XPR1: variants seen among roughly 807,000 people sequenced by gnomAD.
The protein encoded by XPR1 is solute carrier family 53 member 1.
A neutral mutation model predicts 87.5 loss-of-function variants in XPR1; 28 were observed. That is an observed-to-expected ratio of 0.32 (90% CI 0.24 to 0.44). The LOEUF (loss-of-function observed/expected upper bound fraction) is 0.44, where lower values mean the gene tolerates loss of function less well. XPR1 is among the 20% of genes least tolerant of loss of function. The pLI, the probability that XPR1 is intolerant of heterozygous loss-of-function variation, is 1.00. For synonymous variants in XPR1, 300 were observed against 306.1 expected (o/e 0.98, Z 0.21); for missense variants, 559 against 862.3 (o/e 0.65, Z 4.41).
At chr1:180,727,966 C>G (rs1390949819) in intron 2 of XPR1, among the ~76,000 whole-genome samples, 1 of 152,120 alleles carries the variant, frequency 6.6e-6, no homozygotes, top group Non-Finnish European at 1.5e-5. Flanking sequence ...TCAGCAAGGT[C>G]TTTATGCCAG....
At chr1:180,824,994 A>G in intron 8 of XPR1, 51 bp downstream of exon 8, 1 of 1,576,500 alleles carries the variant, frequency 6.3e-7, no homozygotes, top group Non-Finnish European at 8.6e-7. Context: ...CATTAGCTAT[A>G]TAGCTATCTG....
At chr1:180,637,688 G>C (rs1654829812) in intron 1 of XPR1, among the ~76,000 whole-genome samples, 1 of 152,082 alleles carries the variant, frequency 6.6e-6, no homozygotes, top group South Asian at 2.1e-4. Flanking sequence ...CAAGTAGCTG[G>C]CATTACAGGC....
At chr1:180,656,579 G>A (rs1195799023) in intron 1 of XPR1, among the ~76,000 whole-genome samples, 693 of 33,640 alleles carry the variant, frequency 0.021, 6 homozygotes, top group Non-Finnish European at 0.027. Context: ...TTTTATATAT[G>A]TATGTATAAT....
chr1:180,815,345 T>C (rs898445061), intron 7 of XPR1, among the ~76,000 whole-genome samples: 1 of 152,192 alleles, frequency 6.6e-6, no homozygotes, highest in Non-Finnish European at 1.5e-5. Context: ...CGCATTATGT[T>C]TTCTCACTTC....
At chr1:180,768,991 T>C (rs1203069245) in intron 2 of XPR1, among the ~76,000 whole-genome samples, 1 of 152,086 alleles carries the variant, frequency 6.6e-6, no homozygotes, top group Non-Finnish European at 1.5e-5. Context: ...ACTTTGGTGC[T>C]CCCAGCAGTG....
At chr1:180,705,222 T>C (rs182040034) in intron 2 of XPR1, among the ~76,000 whole-genome samples, 31 of 152,264 alleles carry the variant, frequency 2.0e-4, no homozygotes, top group Admixed American at 9.2e-4. Context: ...TATTGAAGGT[T>C]GAAAGGTGAA....
intron 7 of XPR1, among the ~76,000 whole-genome samples, chr1:180,819,974 C>T (rs1200398722): frequency 6.6e-6 from 1 of 151,326 alleles, no homozygotes; most frequent in Non-Finnish European, 1.5e-5. Flanking sequence ...GAGCCAGGAT[C>T]ATGCCATTGC....
Position 180,668,509 on chromosome 1 carries a change from TC to T in XPR1, c.70-13849del, listed in dbSNP as rs368620800. Among the ~76,000 whole-genome samples the T allele has an allele frequency of 5.9e-3, 901 of 152,294 alleles. 11 individuals are homozygous for T. The highest frequency in any genetic ancestry group is 0.021 in the African/African-American group (860 of 41,558). The stretch of plus-strand genomic sequence containing the variant: ...TTAAGTTGTCATGTTAGGTTTGAAA[TC>T]CATTTGAAATTTGAATTTGAAATCC... On this transcript the variant is annotated intron_variant, in intron 1 of 14. Transcript: ENST00000367590.
intron 7 of XPR1, among the ~76,000 whole-genome samples, chr1:180,820,757 A>G (rs542584270): frequency 5.9e-5 from 9 of 152,330 alleles, no homozygotes; most frequent in Non-Finnish European, 8.8e-5. Context: ...CATTATATCC[A>G]TACAAATGGG....
At chr1:180,714,399 C>G (rs944357581) in intron 2 of XPR1, among the ~76,000 whole-genome samples, 2 of 126,562 alleles carry the variant, frequency 1.6e-5, no homozygotes, top group East Asian at 3.0e-4. Flanking sequence ...CTCTCTCTCT[C>G]TCTGTCGTCT....
At chr1:180,757,638 T>G (rs1429766887) in intron 2 of XPR1, among the ~76,000 whole-genome samples, 1 of 151,590 alleles carries the variant, frequency 6.6e-6, no homozygotes, top group East Asian at 1.9e-4. Context: ...CGCCTCAGCC[T>G]TTTGAGTAGG....
chr1:180,782,091 G>A (rs1648965613), intron 2 of XPR1, among the ~76,000 whole-genome samples: 1 of 151,968 alleles, frequency 6.6e-6, no homozygotes, highest in African/African-American at 2.4e-5. Flanking sequence ...ATTTAACTCA[G>A]AGCAAAGGAA....
chr1:180,788,480 A>G (rs1203706369), intron 3 of XPR1, among the ~76,000 whole-genome samples: 1 of 152,188 alleles, frequency 6.6e-6, no homozygotes, highest in East Asian at 1.9e-4. Context: ...GACCTAGTTA[A>G]TAATCAGATA....
intron 2 of XPR1, among the ~76,000 whole-genome samples, chr1:180,686,299 G>A (rs1656774541): frequency 6.6e-6 from 1 of 152,168 alleles, no homozygotes; most frequent in Non-Finnish European, 1.5e-5. Context: ...GAGCGGTTTT[G>A]AGTGAGTTTC....
intron 2 of XPR1, among the ~76,000 whole-genome samples, chr1:180,714,356 T>C (rs1304237317): frequency 3.0e-5 from 2 of 67,596 alleles, no homozygotes; most frequent in African/African-American, 7.7e-5. Context: ...CTGTTCTCTC[T>C]CTCTCTCTCT....
intron 2 of XPR1, among the ~76,000 whole-genome samples, chr1:180,738,169 G>A (rs1049370294): frequency 2.6e-5 from 4 of 151,990 alleles, no homozygotes; most frequent in East Asian, 1.9e-4. Flanking sequence ...GCGCCACCAC[G>A]CCCAACTAAT....
chr1:180,778,090 C>G (rs1455012673), intron 2 of XPR1, among the ~76,000 whole-genome samples: 1 of 152,120 alleles, frequency 6.6e-6, no homozygotes, highest in Non-Finnish European at 1.5e-5. Flanking sequence ...AAGCCATCCT[C>G]CCACCTCAGC....
intron 9 of XPR1, among the ~76,000 whole-genome samples, chr1:180,833,903 G>T (rs1651172063): frequency 6.6e-6 from 1 of 151,984 alleles, no homozygotes; most frequent in Non-Finnish European, 1.5e-5. Flanking sequence ...TATGATCAAA[G>T]AAACATTATT....
rs1238537435 is a variant in XPR1 at position 180,743,215 on chromosome 1, T to C, written c.122-44538T>C. Among the ~76,000 whole-genome samples, 3 of 138,486 alleles carry C rather than the reference T, an allele frequency of 2.2e-5. 1 individual carries two copies. Among genetic ancestry groups the C allele is most frequent in the Middle Eastern group, 7.0e-3 (2 of 286 alleles). 90.9% of individuals were successfully genotyped at this position (138,486 alleles called of 152,430 possible). On this transcript the variant is annotated intron_variant, in intron 2 of 14. Transcript: ENST00000367590. The stretch of plus-strand genomic sequence containing the variant: ...CCATATGTTTTCTGTTCATTTTCCC[T>C]TTTTTTTTTGGGGGGGGAGTATTTT...
Sources: allele counts gnomAD v4.1 joint callset (sites outside exome capture counted in the v4.1 genomes callset), GRCh38; gene constraint gnomAD v4.1.1; transcripts MANE v1.5; gene names NCBI Gene and HGNC (gene_info 2026-07-23, HGNC 2026-07-21).